PRKDC: variants seen among roughly 807,000 people sequenced by gnomAD.
PRKDC encodes the protein DNA-dependent protein kinase catalytic subunit.
A neutral mutation model predicts 486.9 loss-of-function variants in PRKDC; 82 were observed. The observed-to-expected ratio is 0.17, with a 90% confidence interval of 0.14 to 0.20. PRKDC has a LOEUF of 0.20. Among genes scored for constraint, PRKDC ranks in the 10% least tolerant of loss-of-function variants. PRKDC has a pLI of 1.00. For missense variants in PRKDC, 4,504 were observed against 5,038.2 expected (o/e 0.89, Z 3.21); for synonymous variants, 1,895 against 1,837.0 (o/e 1.03, Z -0.81).
Position 47,820,726 on chromosome 8 carries a change from A to C in PRKDC, c.9329T>G (p.Phe3110Cys). ...KYYIQNGIQS[F>C]MQNYSSIDVL... ...TATAATATATAGTATTACCTGCATA[A>C]AACTCTGAATGCCATTTTGAATGTA... Residue 3110 changes from phenylalanine to cysteine, a missense_variant, in exon 66 of 86, where the codon TTT (phenylalanine) becomes TGT (cysteine). By Grantham distance (205) the Phe-to-Cys change is radical. Around this residue, in one of 6 missense-constraint regions of PRKDC, gnomAD observed 1,592 missense variants for 1,724.6 expected, o/e 0.92. Coordinates refer to ENST00000314191, the MANE Select transcript of PRKDC (RefSeq NM_006904.7). The C allele has an allele frequency of 6.5e-7, 1 of 1,534,938 alleles. No homozygotes were observed. The highest frequency in any genetic ancestry group is 8.8e-7 in the Non-Finnish European group (1 of 1,135,336).
chr8:47,835,654 A>AATAT (rs1350853130), intron 58 of PRKDC, among the ~76,000 whole-genome samples: 1 of 150,410 alleles, frequency 6.6e-6, no homozygotes, highest in Non-Finnish European at 1.5e-5. Context: ...AAAAAAGGAA[A>AATAT]ATATACATAA....
chr8:47,860,467 C>A (rs888538941), intron 45 of PRKDC, among the ~76,000 whole-genome samples: 9 of 152,154 alleles, frequency 5.9e-5, no homozygotes, highest in Non-Finnish European at 1.3e-4. Context: ...AGGTCAGGGG[C>A]CTTGAGCAGC....
rs745941332 is a variant in PRKDC at position 47,782,175 on chromosome 8, C to T, written c.11476G>A (p.Ala3826Thr). The T allele has an allele frequency of 6.2e-7, 1 of 1,613,784 alleles. No individual in the cohort carries two copies. The highest frequency in any genetic ancestry group is 8.5e-7 in the Non-Finnish European group (1 of 1,179,806). ...LLNTMSQEEK[A>T]AYLSDPRAPP... is the part of the protein sequence containing the mutation. ...GGCCGCCCTTACCTCAGGTAAGCCG[C>T]CTTCTCCTCTTGGGACATGGTGTTC... Residue 3826 changes from alanine to threonine, a missense_variant, in exon 80 of 86, where the codon GCG (alanine) becomes ACG (threonine). By Grantham distance (58) the Ala-to-Thr change is moderately conservative. Coordinates refer to ENST00000314191, the MANE Select transcript of PRKDC (RefSeq NM_006904.7). This position sits in a 1 kb window ranked among gnomAD's most constrained non-coding sequence, Gnocchi z 4.9.
intron 68 of PRKDC, among the ~76,000 whole-genome samples, chr8:47,810,757 G>A (rs2087308421): frequency 6.6e-6 from 1 of 152,110 alleles, no homozygotes. Context: ...CAAATGGAAA[G>A]TTTACAACTG....
At position 47,774,791 on chromosome 8, in the gene PRKDC, AAGTT is replaced by A. The variant is rs904391360; in HGVS notation, c.12183-418_12183-415del. 2.8e-4 allele frequency among the ~76,000 whole-genome samples: 42 copies of A among 152,096 alleles called. No individual in the cohort carries two copies. The East Asian group carries it at 7.7e-3, about 28-fold the overall frequency. On this transcript the variant is annotated intron_variant, in intron 85 of 85. Transcript: ENST00000314191. ...CTTTTTTTTTAATTAAAAAAAGAGA[AAGTT>A]TTAAAAATTTTTGGTAGAGACAGGG...
intron 35 of PRKDC, 122 bp downstream of exon 35, chr8:47,887,425 C>T: frequency 1.1e-6 from 1 of 883,392 alleles, no homozygotes; most frequent in African/African-American, 1.7e-5. Flanking sequence ...TCATGCAAAT[C>T]ATACAATACT....
chr8:47,785,916 C>G (rs1218863714), intron 76 of PRKDC, among the ~76,000 whole-genome samples: 1 of 151,382 alleles, frequency 6.6e-6, no homozygotes, highest in Non-Finnish European at 1.5e-5. Flanking sequence ...ACAAGCCTGG[C>G]CAACATTGTG....
chr8:47,794,838 T>C (rs945647182), intron 73 of PRKDC, among the ~76,000 whole-genome samples: 3 of 152,234 alleles, frequency 2.0e-5, no homozygotes, highest in African/African-American at 7.2e-5. Context: ...AATATTTCAA[T>C]TTTTTATCAC....
rs1208610527 is a variant in PRKDC at position 47,773,427 on chromosome 8, T to G, written c.*746A>C. On this transcript the variant is annotated 3_prime_UTR_variant, in exon 86 of 86. Coordinates refer to ENST00000314191, the MANE Select transcript of PRKDC (RefSeq NM_006904.7). Reference sequence around the variant, plus strand: ...TTAGTACTATCCCTAACAACAACCATGGGATTTTTGAAGTTATCCCAAATT... The same window carrying G: ...TTAGTACTATCCCTAACAACAACCAGGGGATTTTTGAAGTTATCCCAAATT... The G allele has an allele frequency of 4.6e-6, 1 of 215,496 alleles. No individual in the cohort carries two copies. The highest frequency in any genetic ancestry group is 2.3e-5 in the African/African-American group (1 of 44,418). The allele number at this position is 215,496 out of a possible 1,614,324, so 13.3% of individuals were successfully genotyped here.
intron 63 of PRKDC, 119 bp from the exon 64 acceptor site, chr8:47,824,115 T>A (rs899839407): frequency 4.7e-6 from 5 of 1,059,810 alleles, no homozygotes; most frequent in Non-Finnish European, 6.2e-6. Flanking sequence ...AGACATAAAG[T>A]GTTACTTTAA....
intron 15 of PRKDC, 82 bp downstream of exon 15, chr8:47,933,883 T>C: frequency 7.3e-7 from 1 of 1,373,962 alleles, no homozygotes; most frequent in Non-Finnish European, 9.7e-7. Flanking sequence ...AAAATATAAT[T>C]CTGAAATAAG....
chr8:47,886,104 G>C lies in PRKDC; in HGVS notation c.4616C>G (p.Ser1539Cys), dbSNP rs2089323694. 6.2e-7 allele frequency: 1 copy of C among 1,613,316 alleles called. No homozygotes were observed. Among genetic ancestry groups the C allele is most frequent in the South Asian group, 1.1e-5 (1 of 91,072 alleles). ...VSLLLNPAVL[S>C]TASLGSSQGS... ...CTGTGAGCTGCCCAAGGACGCCGTG[G>C]ACAGCACCGCTGGGTTCAGGAGAAG... The change falls in exon 36 of 86, where the codon TCC becomes TGC. Residue 1539 changes from serine to cysteine, a missense_variant. Around this residue, in one of 6 missense-constraint regions of PRKDC, gnomAD observed 1,969 missense variants for 2,068.9 expected, o/e 0.95. Coordinates refer to ENST00000314191, the MANE Select transcript of PRKDC (RefSeq NM_006904.7).
At chr8:47,907,533 C>T (rs2089811544) in intron 25 of PRKDC, among the ~76,000 whole-genome samples, 1 of 133,114 alleles carries the variant, frequency 7.5e-6, no homozygotes, top group Admixed American at 7.7e-5. Context: ...ATTTATATAC[C>T]TTTTTTTTTT....
chr8:47,959,928 G>A, intron 1 of PRKDC, 45 bp downstream of exon 1: 1 of 1,521,534 alleles, frequency 6.6e-7, no homozygotes, highest in Non-Finnish European at 8.8e-7. Flanking sequence ...AGAACGACTC[G>A]GGAAGCCAGG....
chr8:47,820,894 T>C lies in PRKDC; in HGVS notation c.9161A>G (p.Gln3054Arg), dbSNP rs1327058338. The stretch of plus-strand genomic sequence containing the variant: ...CAGCAGGGACTGGTCAGCCTCTCCC[T>C]GGAGCAGCAGCTTCAGCTTGCTGCG... ...MIRSKLKLLLQGEADQSLLTF... is the reference protein window; with the variant it reads ...MIRSKLKLLLRGEADQSLLTF... Residue 3054 changes from glutamine (Q) to arginine (R), a missense_variant, in exon 66 of 86, where the codon CAG becomes CGG. By Grantham distance (43) the Gln-to-Arg change is conservative. Around this residue, in one of 6 missense-constraint regions of PRKDC, gnomAD observed 1,592 missense variants for 1,724.6 expected, o/e 0.92. Transcript: ENST00000314191. 1.2e-6 allele frequency: 2 copies of C among 1,609,024 alleles called. No homozygotes were observed. The highest frequency in any genetic ancestry group is 1.3e-5 in the African/African-American group (1 of 74,896).
At chr8:47,814,291 T>C (rs2087395410) in intron 68 of PRKDC, among the ~76,000 whole-genome samples, 1 of 152,206 alleles carries the variant, frequency 6.6e-6, no homozygotes, top group Admixed American at 6.5e-5. Flanking sequence ...AACTATCTTC[T>C]CTAACATCAG....
chr8:47,805,293 T>C (rs189130063), intron 69 of PRKDC: 1 of 152,276 alleles, frequency 6.6e-6, no homozygotes, highest in Admixed American at 6.5e-5. Context: ...TCTCCAAGCT[T>C]TGTTATCTGT....
At chr8:47,871,227 A>G (rs932545041) in intron 40 of PRKDC, among the ~76,000 whole-genome samples, 2 of 152,196 alleles carry the variant, frequency 1.3e-5, no homozygotes, top group Admixed American at 1.3e-4. Context: ...ATATTCAAGT[A>G]TAAGAAGGTT....
rs2090475870 is a variant in PRKDC at position 47,943,285 on chromosome 8, A to C, written c.890T>G (p.Leu297Trp). The C allele has an allele frequency of 6.2e-7, 1 of 1,612,688 alleles. No homozygotes were observed. The change falls in exon 10 of 86, where the codon TTG becomes TGG. Residue 297 changes from leucine (L) to tryptophan (W), a missense_variant. Physicochemically the swap from Leu to Trp is moderately conservative, Grantham distance 61 (BLOSUM62 -2). Around this residue, in one of 6 missense-constraint regions of PRKDC, gnomAD observed 1,969 missense variants for 2,068.9 expected, o/e 0.95. Transcript: ENST00000314191. ...LDNYVSLFEV[L>W]LKWCAHTNVE... ...ATTTGTGTGGGCACACCACTTTAAC[A>C]AGACTTCAAATAGAGACACGTAGTT...
Sources: gnomAD v4.1 joint callset for allele counts (sites outside exome capture counted in the v4.1 genomes callset) on GRCh38, gnomAD v4.1.1 for gene constraint, gnomAD v4.1.1 regional missense constraint, Gnocchi (gnomAD v3.1) non-coding constraint, MANE v1.5 for transcripts, NCBI Gene and HGNC (gene_info 2026-07-23, HGNC 2026-07-21) for gene names.